The following KIF14 variants were observed in gnomAD, a reference collection of about 807,000 sequenced individuals.
KIF14 encodes the protein kinesin family member 14, also known as kinesin-like protein KIF14.
KIF14 carries 98 observed loss-of-function variants against 176.2 expected under a neutral mutation model. That is an observed-to-expected ratio of 0.56 (90% CI 0.47 to 0.66). The LOEUF (loss-of-function observed/expected upper bound fraction) is 0.66. KIF14 is among the 30% of genes least tolerant of loss of function. The pLI is 0.00. For synonymous variants in KIF14, 566 were observed against 632.2 expected (o/e 0.90, Z 1.57); for missense variants, 1,751 against 1,920.4 (o/e 0.91, Z 1.65).
intron 22 of KIF14, among the ~76,000 whole-genome samples, chr1:200,573,351 C>T (rs539173816): frequency 6.6e-6 from 1 of 151,448 alleles, no homozygotes; most frequent in South Asian, 2.1e-4. Context: ...ATGCTGATAT[C>T]AGACTTTGTG....
intron 14 of KIF14, 31 bp downstream of exon 14, chr1:200,598,206 C>A: frequency 1.3e-6 from 2 of 1,574,714 alleles, no homozygotes; most frequent in Non-Finnish European, 1.7e-6. Context: ...AGAACAGGTG[C>A]CTTTTCTTTT....
intron 15 of KIF14, among the ~76,000 whole-genome samples, chr1:200,592,816 A>G (rs573918031): frequency 6.6e-6 from 1 of 152,360 alleles, no homozygotes; most frequent in Admixed American, 6.5e-5. Context: ...CACTTAGGCT[A>G]TATGGCATAG....
At chr1:200,581,873 G>C (rs1468270057) in intron 19 of KIF14, among the ~76,000 whole-genome samples, 3 of 148,410 alleles carry the variant, frequency 2.0e-5, no homozygotes, top group African/African-American at 7.4e-5. Context: ...AGGCTCAAGT[G>C]ATCCTCCCAT....
chr1:200,589,154 C>A, intron 18 of KIF14, 63 bp downstream of exon 18: 1 of 1,398,118 alleles, frequency 7.2e-7, no homozygotes, highest in Middle Eastern at 1.9e-4. Flanking sequence ...TAAGCCACTT[C>A]TTTGAAAAAA....
At chr1:200,598,908 G>T (rs1256522045) in intron 13 of KIF14, among the ~76,000 whole-genome samples, 1 of 152,076 alleles carries the variant, frequency 6.6e-6, no homozygotes, top group Non-Finnish European at 1.5e-5. Context: ...TCTCCTTTGT[G>T]ACCTCCCTAC....
At chr1:200,555,606 G>A (rs1656792604) in intron 27 of KIF14, 152 bp from the exon 28 acceptor site, 2 of 418,668 alleles carry the variant, frequency 4.8e-6, no homozygotes. Context: ...TAGCTTGAGA[G>A]TACTTAAATC....
intron 19 of KIF14, among the ~76,000 whole-genome samples, chr1:200,583,034 C>T (rs993500032): frequency 5.3e-5 from 8 of 152,044 alleles, no homozygotes; most frequent in African/African-American, 1.9e-4. Flanking sequence ...TGTTAAGTAA[C>T]ACCAGGCAGA....
intron 4 of KIF14, among the ~76,000 whole-genome samples, chr1:200,611,473 T>C (rs1660152175): frequency 6.6e-6 from 1 of 152,168 alleles, no homozygotes; most frequent in South Asian, 2.1e-4. Flanking sequence ...CAAGTAATTA[T>C]AAGGTCATTG....
At chr1:200,619,504 C>G (rs922493306) in intron 1 of KIF14, among the ~76,000 whole-genome samples, 12 of 152,158 alleles carry the variant, frequency 7.9e-5, no homozygotes, top group African/African-American at 2.9e-4. Flanking sequence ...AGGCGCCCAC[C>G]ACCATGCCCA....
intron 10 of KIF14, 80 bp from the exon 11 acceptor site, chr1:200,602,148 A>C: frequency 1.7e-6 from 2 of 1,152,684 alleles, no homozygotes; most frequent in Non-Finnish European, 2.5e-6. Context: ...AAAACAAACT[A>C]ATAGGGTATA....
At chr1:200,595,872 C>T (rs780640235) in intron 14 of KIF14, among the ~76,000 whole-genome samples, 2 of 139,472 alleles carry the variant, frequency 1.4e-5, no homozygotes, top group South Asian at 2.2e-4. Flanking sequence ...GTGGAGGTTA[C>T]GGTGAGCCAA....
intron 6 of KIF14, 93 bp downstream of exon 6, chr1:200,606,653 G>T: frequency 9.1e-7 from 1 of 1,102,210 alleles, no homozygotes; most frequent in Non-Finnish European, 1.4e-6. Flanking sequence ...AAGTTAGGAA[G>T]GCCAATGAGA....
chr1:200,569,382 A>G lies in KIF14; in HGVS notation c.3661+529T>C, dbSNP rs751557907. Among the ~76,000 whole-genome samples, 92 of 152,336 alleles carry G rather than the reference A, an allele frequency of 6.0e-4. 1 individual carries two copies. In the Middle Eastern group the frequency reaches 0.017, roughly 28 times the overall value. ...TAATTCCTTTTTTAAAAAAATTGAAATAATTTTGGGATAGATGATACACAG... is the reference window on the plus strand; with the variant it reads ...TAATTCCTTTTTTAAAAAAATTGAAGTAATTTTGGGATAGATGATACACAG... On this transcript the variant is annotated intron_variant, in intron 23 of 29. Coordinates refer to ENST00000367350, the MANE Select transcript of KIF14 (RefSeq NM_014875.3).
At position 200,589,212 on chromosome 1, in the gene KIF14, A is replaced by ACTGG; in HGVS notation, c.3114+4_3114+5insCCAG. The ACTGG allele has an allele frequency of 6.3e-7, 1 of 1,592,558 alleles. No homozygotes were observed. The highest frequency in any genetic ancestry group is 8.5e-7 in the Non-Finnish European group (1 of 1,170,202). On this transcript the variant is annotated splice_donor_region_variant and intron_variant, in intron 18 of 29. Transcript: ENST00000367350. Reference sequence around the variant, plus strand: ...TAGAGTTAACTGGTTACACAATAAAATTACCTGTTTTGTAGCCAATGTTTC... The same window carrying ACTGG: ...TAGAGTTAACTGGTTACACAATAAAACTGGTTACCTGTTTTGTAGCCAATGTTTC...
intron 14 of KIF14, among the ~76,000 whole-genome samples, chr1:200,594,316 GGT>G (rs750935323): frequency 6.9e-6 from 1 of 144,918 alleles, no homozygotes; most frequent in Non-Finnish European, 1.5e-5. Flanking sequence ...TTCTTCATTG[GGT>G]GTATTTTTAT....
intron 25 of KIF14, among the ~76,000 whole-genome samples, chr1:200,561,494 G>A (rs528075671): frequency 2.0e-5 from 3 of 151,232 alleles, no homozygotes; most frequent in African/African-American, 4.9e-5. Flanking sequence ...AGCCGAGATC[G>A]CACCACTGCA....
intron 2 of KIF14, 21 bp downstream of exon 2, chr1:200,617,591 A>G: frequency 6.4e-7 from 1 of 1,571,434 alleles, no homozygotes; most frequent in Non-Finnish European, 8.6e-7. Flanking sequence ...TTGGCTTTAG[A>G]TTTTAAAAGG....
chr1:200,608,136 T>C lies in KIF14; in HGVS notation c.1554+694A>G, dbSNP rs189166687. On this transcript the variant is annotated intron_variant, in intron 5 of 29. Coordinates refer to ENST00000367350, the MANE Select transcript of KIF14 (RefSeq NM_014875.3). ...CACAGATTATCTACAAGGTATGAAT[T>C]TGCTAAATAATCCACTGAAATACAT... 1.8e-4 allele frequency among the ~76,000 whole-genome samples: 28 copies of C among 152,308 alleles called. No homozygotes were observed. The East Asian group carries it at 3.7e-3, about 20-fold the overall frequency.
chr1:200,596,922 G>C (rs79469506), intron 14 of KIF14, among the ~76,000 whole-genome samples: 1 of 110,034 alleles, frequency 9.1e-6, no homozygotes, highest in Non-Finnish European at 1.7e-5. Context: ...TTGAGACATA[G>C]TCTCGCTCTG....
Sources: gnomAD v4.1 joint callset for allele counts (sites outside exome capture counted in the v4.1 genomes callset) on GRCh38, gnomAD v4.1.1 for gene constraint, MANE v1.5 for transcripts, NCBI Gene and HGNC (gene_info 2026-07-23, HGNC 2026-07-21) for gene names.